ADAM10: variants seen among roughly 807,000 people sequenced by gnomAD.
ADAM10 encodes ADAM metallopeptidase domain 10.
Under a neutral mutation model 90.1 loss-of-function variants are expected in ADAM10, and 17 were observed. That is an observed-to-expected ratio of 0.19 (90% CI 0.13 to 0.28). The LOEUF is 0.28. ADAM10 is among the 10% of genes least tolerant of loss of function. The pLI, the probability that ADAM10 is intolerant of heterozygous loss-of-function variation, is 1.00. For synonymous variants in ADAM10, 310 were observed against 298.6 expected, an observed-to-expected ratio of 1.04 and a Z score of -0.40; for missense variants, 610 against 914.3, an observed-to-expected ratio of 0.67 and a Z score of 4.29.
intron 11 of ADAM10, among the ~76,000 whole-genome samples, chr15:58,618,139 G>T (rs1286107458): frequency 6.6e-6 from 1 of 152,106 alleles, no homozygotes; most frequent in Admixed American, 6.5e-5. Context: ...CAAAGCTATA[G>T]CAACTAAAAC....
chr15:58,613,963 T>C (rs1223204883), intron 11 of ADAM10, among the ~76,000 whole-genome samples: 2 of 152,116 alleles, frequency 1.3e-5, no homozygotes, highest in African/African-American at 4.8e-5. Context: ...AACCAATCAA[T>C]CAATCACTTA....
intron 9 of ADAM10, among the ~76,000 whole-genome samples, chr15:58,628,944 T>C (rs1245248613): frequency 2.0e-5 from 3 of 152,356 alleles, no homozygotes; most frequent in Non-Finnish European, 2.9e-5. Flanking sequence ...CTGATACCTC[T>C]TGCCTTTCTT....
intron 5 of ADAM10, among the ~76,000 whole-genome samples, chr15:58,659,607 T>G (rs1896920706): frequency 6.6e-6 from 1 of 152,248 alleles, no homozygotes. Context: ...TTTCACTTGC[T>G]AATATTTTAA....
intron 4 of ADAM10, among the ~76,000 whole-genome samples, chr15:58,676,850 A>T (rs1300513590): frequency 1.3e-5 from 2 of 152,102 alleles, no homozygotes; most frequent in Non-Finnish European, 2.9e-5. Context: ...TAATTTCTTT[A>T]AAAAAAGCAC....
chr15:58,611,290 A>C (rs1895431211), intron 12 of ADAM10, 183 bp from the exon 13 acceptor site: 1 of 591,954 alleles, frequency 1.7e-6, no homozygotes, highest in Non-Finnish European at 3.0e-6. Flanking sequence ...AATTTGAAAA[A>C]CAGTAAATCC....
chr15:58,686,601 C>T (rs1897610912), intron 2 of ADAM10: 2 of 1,030,430 alleles, frequency 1.9e-6, no homozygotes, highest in South Asian at 1.3e-5. Context: ...GAACCCAGAT[C>T]CTGTGCTTTA....
intron 5 of ADAM10, among the ~76,000 whole-genome samples, chr15:58,653,843 G>C (rs761008274): frequency 4.6e-5 from 7 of 152,130 alleles, no homozygotes; most frequent in Non-Finnish European, 8.8e-5. Context: ...CTGGGTCCCA[G>C]ACTTTTCTTT....
At chr15:58,748,676 T>G (rs1203151666) in intron 1 of ADAM10, 1 of 360,200 alleles carries the variant, frequency 2.8e-6, no homozygotes, top group Non-Finnish European at 4.9e-6. Context: ...GGACCGAACT[T>G]CTACTCTAAG....
intron 4 of ADAM10, among the ~76,000 whole-genome samples, chr15:58,670,645 G>T (rs1219021908): frequency 6.6e-6 from 1 of 152,032 alleles, no homozygotes; most frequent in Non-Finnish European, 1.5e-5. Context: ...TGGTATATGA[G>T]ATCTGAAGGG....
At chr15:58,611,622 G>C in intron 12 of ADAM10, 186 bp downstream of exon 12, 1 of 600,052 alleles carries the variant, frequency 1.7e-6, no homozygotes, top group Admixed American at 3.0e-5. Context: ...CATGTACATG[G>C]AAAGATGAAA....
At chr15:58,650,264 G>C (rs1453434576) in intron 5 of ADAM10, among the ~76,000 whole-genome samples, 1 of 152,080 alleles carries the variant, frequency 6.6e-6, no homozygotes, top group Non-Finnish European at 1.5e-5. Flanking sequence ...TGAGTGCCAG[G>C]CTATGTATAT....
At chr15:58,715,896 G>A (rs1016000379) in intron 2 of ADAM10, among the ~76,000 whole-genome samples, 13 of 152,168 alleles carry the variant, frequency 8.5e-5, no homozygotes, top group African/African-American at 3.1e-4. Flanking sequence ...CCTTTTGGCA[G>A]TCAAACCATA....
intron 14 of ADAM10, chr15:58,609,574 A>G (rs1895379308): frequency 6.5e-6 from 1 of 153,252 alleles, no homozygotes; most frequent in Admixed American, 6.5e-5. Flanking sequence ...AATGTGAGTT[A>G]TAAGTCAATT....
chr15:58,686,453 G>C (rs1320541045), intron 2 of ADAM10: 38 of 1,393,532 alleles, frequency 2.7e-5, no homozygotes, highest in Non-Finnish European at 3.7e-5. Context: ...GTGCCTGGTG[G>C]AGCAGCTCAA....
At chr15:58,615,406 T>G (rs1206662858) in intron 11 of ADAM10, among the ~76,000 whole-genome samples, 2 of 151,754 alleles carry the variant, frequency 1.3e-5, no homozygotes, top group Admixed American at 6.6e-5. Flanking sequence ...CCTGGCTGAA[T>G]GGGCCTATTT....
At chr15:58,685,185 A>G (rs1041709218) in intron 2 of ADAM10, among the ~76,000 whole-genome samples, 6 of 148,426 alleles carry the variant, frequency 4.0e-5, no homozygotes, top group Admixed American at 1.3e-4. Flanking sequence ...AAAAAGACCA[A>G]GTGCAGTGGC....
intron 2 of ADAM10, chr15:58,693,220 G>T (rs1014277330): frequency 3.1e-6 from 2 of 638,326 alleles, no homozygotes; most frequent in African/African-American, 3.6e-5. Flanking sequence ...AGGCTTACAA[G>T]TACTAGAGAG....
chr15:58,636,338 T>G (rs1297718714), intron 8 of ADAM10, among the ~76,000 whole-genome samples: 1 of 152,068 alleles, frequency 6.6e-6, no homozygotes, highest in Non-Finnish European at 1.5e-5. Context: ...TTGGAGTAAC[T>G]TGATTATACA....
intron 1 of ADAM10, among the ~76,000 whole-genome samples, chr15:58,729,368 A>C (rs1338147212): frequency 6.6e-6 from 1 of 152,230 alleles, no homozygotes; most frequent in Non-Finnish European, 1.5e-5. Context: ...TTCTGAACAC[A>C]GAATCTTGTT....
Sources: gnomAD v4.1 joint callset for allele counts (sites outside exome capture counted in the v4.1 genomes callset) on GRCh38, gnomAD v4.1.1 for gene constraint, MANE v1.5 for transcripts, NCBI Gene and HGNC (gene_info 2026-07-23, HGNC 2026-07-21) for gene names.